Variants in MGAT4C observed in about 807,000 individuals in gnomAD.
The protein encoded by MGAT4C is MGAT4 family member C.
Under a neutral mutation model 40.1 loss-of-function variants are expected in MGAT4C, and 19 were observed. That is an observed-to-expected ratio of 0.47 (90% CI 0.33 to 0.70). The LOEUF (loss-of-function observed/expected upper bound fraction) is 0.70. Among genes scored for constraint, MGAT4C ranks in the 30% least tolerant of loss-of-function variants. The probability of loss-of-function intolerance (pLI) is 0.02; values close to 1 mark genes in which losing one functional copy is unlikely to be tolerated. For missense variants in MGAT4C, 491 were observed against 563.2 expected, an observed-to-expected ratio of 0.87 and a Z score of 1.30; for synonymous variants, 181 against 187.1, an observed-to-expected ratio of 0.97 and a Z score of 0.27.
In MGAT4C at chr12:86,413,501, G is replaced by C. The variant is rs143659883; in HGVS notation, c.-120+21656C>G. ...TACTAAATTAGGTGAGAAGGGACAA[G>C]ATCTGTTGCTCAAGATATATGAATG... is the stretch of plus-strand genomic sequence containing the variant. On this transcript the variant is annotated intron_variant, in intron 3 of 7. Coordinates refer to the MGAT4C transcript ENST00000548651. Among the ~76,000 whole-genome samples the C allele has an allele frequency of 1.1e-4, 16 of 152,332 alleles. No individual in the cohort carries two copies. In the East Asian group the frequency reaches 2.9e-3, roughly 28 times the overall value.
In MGAT4C at chr12:86,700,035, AATAGATAG is replaced by A. The variant is rs58993633; in HGVS notation, c.-229+27166_-229+27173del. Reference sequence around the variant, plus strand: ...GTTGTTCAGGGGTCAAATTTAGATAAATAGATAGATAGATAGATAGATAGATAGATAAG... The same window carrying A: ...GTTGTTCAGGGGTCAAATTTAGATAAATAGATAGATAGATAGATAGATAAG... On this transcript the variant is annotated intron_variant, in intron 2 of 7. Coordinates refer to the MGAT4C transcript ENST00000548651. Among the ~76,000 whole-genome samples, 231 of 147,732 alleles carry A rather than the reference AATAGATAG, an allele frequency of 1.6e-3. 1 individual carries two copies. The highest frequency in any genetic ancestry group is 5.0e-3 in the African/African-American group (199 of 39,798).
intron 2 of MGAT4C, among the ~76,000 whole-genome samples, chr12:86,706,190 G>T (rs34357343): frequency 0.056 from 8,497 of 152,070 alleles, 308 homozygotes; most frequent in Non-Finnish European, 0.079. Context: ...TTAAGAAGAA[G>T]GTAATGTAAG....
intron 1 of MGAT4C, among the ~76,000 whole-genome samples, chr12:86,077,786 T>G (rs940100880): frequency 6.6e-6 from 1 of 152,078 alleles, no homozygotes; most frequent in Non-Finnish European, 1.5e-5. Flanking sequence ...CCCTAATGGA[T>G]CTCCTGTACT....
chr12:86,209,897 A>T (rs1361855092), intron 1 of MGAT4C, among the ~76,000 whole-genome samples: 1 of 152,182 alleles, frequency 6.6e-6, no homozygotes, highest in South Asian at 2.1e-4. Flanking sequence ...CTTAGGTAAA[A>T]GCTTTGGAAT....
Position 86,207,954 on chromosome 12 carries a change from A to T in MGAT4C, c.-57+48285T>A, listed in dbSNP as rs547621898. ...TTGATACTTTCAAAAATAGTAAACT[A>T]CCTAAGATCAGATCAATGATGAAGT... On this transcript the variant is annotated intron_variant, in intron 1 of 4. Transcript: ENST00000611864. Among the ~76,000 whole-genome samples, 6 of 152,346 alleles carry T rather than the reference A, an allele frequency of 3.9e-5. No homozygotes were observed. The East Asian group carries it at 1.2e-3, about 29-fold the overall frequency.
At position 85,972,270 on chromosome 12, in the gene MGAT4C, A is replaced by G. The variant is rs1439863575; in HGVS notation, c.*7019T>C. 1 of 151,242 alleles carries G rather than the reference A, an allele frequency of 6.6e-6. No homozygotes were observed. The highest frequency in any genetic ancestry group is 1.9e-4 in the East Asian group (1 of 5,178). The allele number at this position is 151,242 out of a possible 1,614,324, so 9.4% of individuals were successfully genotyped here. On this transcript the variant is annotated 3_prime_UTR_variant, in exon 5 of 5. Transcript: ENST00000611864. ...AAGAAATGTTAAGAAGAGAAGTTAC[A>G]ACTGCATTAATAGGATTTTAATTTT...
At chr12:86,093,822 A>C (rs893241596) in intron 1 of MGAT4C, among the ~76,000 whole-genome samples, 1 of 152,156 alleles carries the variant, frequency 6.6e-6, no homozygotes, top group African/African-American at 2.4e-5. Flanking sequence ...GAAACGTTTC[A>C]TGTTTTCTCA....
In MGAT4C at chr12:86,506,897, G is replaced by A. The variant is rs566229005; in HGVS notation, c.-228-71632C>T. 2.0e-5 allele frequency among the ~76,000 whole-genome samples: 3 copies of A among 152,250 alleles called. No homozygotes were observed. In the East Asian group the frequency reaches 5.8e-4, roughly 29 times the overall value. ...AAAAAGGTTAAAATCTTCTTCGTAA[G>A]TTTCCTTTAAAAGTTGTTTCAAGCT... On this transcript the variant is annotated intron_variant, in intron 2 of 7. Coordinates refer to the MGAT4C transcript ENST00000548651.
At chr12:86,313,742 T>C (rs2136152909) in intron 4 of MGAT4C, among the ~76,000 whole-genome samples, 1 of 152,314 alleles carries the variant, frequency 6.6e-6, no homozygotes. Flanking sequence ...TAAGGTCTAA[T>C]TACCAAGATA....
At position 86,500,013 on chromosome 12, in the gene MGAT4C, C is replaced by A. The variant is rs138226543; in HGVS notation, c.-228-64748G>T. On this transcript the variant is annotated intron_variant, in intron 2 of 7. Transcript: ENST00000548651. ...AGTAGAAAGCAGCAGCATATGCATT[C>A]TTTCAACATATCAAAACATGCAGAG... Among the ~76,000 whole-genome samples, 71 of 151,780 alleles carry A rather than the reference C, an allele frequency of 4.7e-4. No homozygotes were observed. In the East Asian group the frequency reaches 0.012, roughly 25 times the overall value.
At chr12:86,326,183 G>A (rs1031090860) in intron 4 of MGAT4C, among the ~76,000 whole-genome samples, 1 of 151,762 alleles carries the variant, frequency 6.6e-6, no homozygotes, top group Non-Finnish European at 1.5e-5. Flanking sequence ...TTTTTACCCT[G>A]TCACTCAGCT....
At chr12:86,648,796 T>G (rs1963617594) in intron 2 of MGAT4C, among the ~76,000 whole-genome samples, 1 of 151,910 alleles carries the variant, frequency 6.6e-6, no homozygotes, top group Non-Finnish European at 1.5e-5. Flanking sequence ...GTGTACAAGG[T>G]AAATTGTTTA....
intron 2 of MGAT4C, among the ~76,000 whole-genome samples, chr12:86,525,159 GT>G (rs1159867602): frequency 6.6e-6 from 1 of 152,212 alleles, no homozygotes; most frequent in African/African-American, 2.4e-5. Context: ...CTGGTGAGAA[GT>G]AACTGAATCA....
rs184270509 is a variant in MGAT4C at position 86,744,580 on chromosome 12, C to T, written c.-261-17339G>A. Among the ~76,000 whole-genome samples the T allele has an allele frequency of 1.1e-4, 16 of 150,484 alleles. No individual in the cohort carries two copies. In the East Asian group the frequency reaches 3.2e-3, roughly 30 times the overall value. On this transcript the variant is annotated intron_variant, in intron 1 of 7. Transcript: ENST00000548651. ...TGAAGCAACCACTGGTGATAAATGC[C>T]AGCTCTCAGCACTTCTCATAATGAG... is the stretch of plus-strand genomic sequence containing the variant.
At chr12:86,470,463 C>G (rs142054194) in intron 2 of MGAT4C, among the ~76,000 whole-genome samples, 2 of 152,010 alleles carry the variant, frequency 1.3e-5, no homozygotes, top group South Asian at 4.2e-4. Flanking sequence ...CTCCCTTCCC[C>G]CAACACCAAA....
intron 2 of MGAT4C, among the ~76,000 whole-genome samples, chr12:86,042,867 C>CAAAA (rs140809256): frequency 4.6e-5 from 5 of 107,954 alleles, no homozygotes; most frequent in Non-Finnish European, 7.1e-5. Context: ...GACTCTGTCT[C>CAAAA]AAAAAAAAAA....
At chr12:86,778,881 C>G (rs902346842) in intron 1 of MGAT4C, among the ~76,000 whole-genome samples, 6 of 151,314 alleles carry the variant, frequency 4.0e-5, no homozygotes, top group Admixed American at 3.9e-4. Flanking sequence ...TAAAACAAAA[C>G]AAAACTACTG....
At chr12:86,076,221 A>T (rs187769992) in intron 1 of MGAT4C, among the ~76,000 whole-genome samples, 1 of 152,046 alleles carries the variant, frequency 6.6e-6, no homozygotes, top group Admixed American at 6.6e-5. Flanking sequence ...TCTTTGCTAA[A>T]ACATAAGAAG....
chr12:86,436,176 T>C (rs527785919), intron 2 of MGAT4C, among the ~76,000 whole-genome samples: 1 of 151,980 alleles, frequency 6.6e-6, no homozygotes, highest in African/African-American at 2.4e-5. Flanking sequence ...ATTTTTTCTT[T>C]TTGCATTTTT....
Sources: allele counts gnomAD v4.1 joint callset (sites outside exome capture counted in the v4.1 genomes callset), GRCh38; gene constraint gnomAD v4.1.1; transcripts MANE v1.5; gene names NCBI Gene and HGNC (gene_info 2026-07-23, HGNC 2026-07-21).